USP24: variants seen among roughly 807,000 people sequenced by gnomAD.
The protein encoded by USP24 is ubiquitin specific peptidase 24.
In USP24, 97 loss-of-function variants were observed where a neutral mutation model predicts 361.6. The observed-to-expected ratio is 0.27, with a 90% CI of 0.23 to 0.32. The LOEUF is 0.32. Ranked by LOEUF, USP24 falls within the 10% of genes least tolerant of loss-of-function variation. The probability of loss-of-function intolerance (pLI) is 1.00; values close to 1 mark genes in which losing one functional copy is unlikely to be tolerated. For missense variants in USP24, 2,353 were observed against 3,165.6 expected (o/e 0.74, Z 6.16); for synonymous variants, 1,098 against 1,124.6 (o/e 0.98, Z 0.47).
intron 38 of USP24, among the ~76,000 whole-genome samples, chr1:55,114,311 C>T (rs1449290940): frequency 5.3e-5 from 8 of 152,134 alleles, no homozygotes; most frequent in Non-Finnish European, 7.4e-5. Context: ...AAAATGGCCA[C>T]GCTGCCCAAA....
rs745769657 is a variant in USP24 at position 55,106,216 on chromosome 1, A to C, written c.4810T>G (p.Ser1604Ala). 2 of 1,613,980 alleles carry C rather than the reference A, an allele frequency of 1.2e-6. No individual in the cohort carries two copies. The highest frequency in any genetic ancestry group is 8.5e-7 in the Non-Finnish European group (1 of 1,179,834). Residue 1604 changes from serine to alanine, a missense_variant, in exon 41 of 68, where the codon TCT (serine) becomes GCT (alanine). Ser to Ala is a moderately conservative substitution (Grantham distance 99). Around this residue, in one of 8 missense-constraint regions of USP24, gnomAD observed 949 missense variants for 1,280.5 expected, o/e 0.74. Coordinates refer to ENST00000294383, the MANE Select transcript of USP24 (RefSeq NM_015306.3). The stretch of plus-strand genomic sequence containing the variant: ...GAATGACTATTTAAAATAATTCTAG[A>C]AGCTCGGAAAAGGAAGTCATCTAAC... Reference protein sequence around the residue: ...PLLDDFLFRASRIILNSHSPA... With the variant: ...PLLDDFLFRAARIILNSHSPA...
Position 55,068,957 on chromosome 1 carries a change from T to A in USP24, c.*88A>T. The A allele has an allele frequency of 7.1e-7, 1 of 1,414,894 alleles. No homozygotes were observed. Among genetic ancestry groups the A allele is most frequent in the Non-Finnish European group, 9.9e-7 (1 of 1,005,740 alleles). The allele number at this position is 1,414,894 out of a possible 1,614,324, so 87.6% of individuals were successfully genotyped here. ...AGCTTTCCCAGTCCAATCTCCAGGC[T>A]CTTCCAAAGGGTTCGAGATTCTGAT... On this transcript the variant is annotated 3_prime_UTR_variant, in exon 68 of 68. Transcript: ENST00000294383.
chr1:55,079,500 G>T (rs1645098465), intron 60 of USP24, 38 bp downstream of exon 60: 2 of 1,553,950 alleles, frequency 1.3e-6, no homozygotes, highest in South Asian at 2.6e-5. Context: ...TCCTCAAACA[G>T]GAGGGAAAAA....
In USP24 at chr1:55,156,950, G is replaced by T; in HGVS notation, c.1444C>A (p.Gln482Lys). 6.2e-7 allele frequency: 1 copy of T among 1,609,736 alleles called. No homozygotes were observed. The highest frequency in any genetic ancestry group is 8.5e-7 in the Non-Finnish European group (1 of 1,176,540). ...LDELTKIWKIQSGQSSTVIEN... is the reference protein window; with the variant it reads ...LDELTKIWKIKSGQSSTVIEN... Reference sequence around the variant, plus strand: ...AAAAATAATTCTGATCAACCTACCTGTATCTTCCAAATTTTAGTGAGTTCA... The same window carrying T: ...AAAAATAATTCTGATCAACCTACCTTTATCTTCCAAATTTTAGTGAGTTCA... The change falls in exon 12 of 68, where the codon CAG (glutamine) becomes AAG (lysine). Residue 482 changes from glutamine (Q) to lysine (K), a missense_variant and splice_region_variant. By Grantham distance (53) the Gln-to-Lys change is moderately conservative. This residue lies in a region of USP24 where 386 missense variants were observed against 560.5 expected (regional missense o/e 0.69). Transcript: ENST00000294383.
At chr1:55,125,572 AT>A in intron 33 of USP24, 24 bp from the exon 34 acceptor site, 10 of 1,600,384 alleles carry the variant, frequency 6.2e-6, no homozygotes, top group Non-Finnish European at 7.7e-6. Flanking sequence ...AGCTAGACTT[AT>A]TCTGAGTCCA....
chr1:55,181,614 GT>G (rs1165610637), intron 1 of USP24, among the ~76,000 whole-genome samples: 1 of 152,208 alleles, frequency 6.6e-6, no homozygotes, highest in East Asian at 1.9e-4. Context: ...TGATTCCTAA[GT>G]GGGTATACGT....
Position 55,080,344 on chromosome 1 carries a change from T to C in USP24, c.7079-685A>G, listed in dbSNP as rs79581170. 4.4e-3 allele frequency among the ~76,000 whole-genome samples: 674 copies of C among 152,328 alleles called. 2 individuals carry two copies. Among genetic ancestry groups the C allele is most frequent in the African/African-American group, 0.016 (652 of 41,582 alleles). Reference sequence around the variant, plus strand: ...CTCCAATGTCCCTTTAGAGAGTCAATAAGCATTTCTCTATCAGAAGGATGC... The same window carrying C: ...CTCCAATGTCCCTTTAGAGAGTCAACAAGCATTTCTCTATCAGAAGGATGC... On this transcript the variant is annotated intron_variant, in intron 59 of 67. Transcript: ENST00000294383.
chr1:55,121,870 T>G (rs1309997473), intron 36 of USP24, among the ~76,000 whole-genome samples: 1 of 152,240 alleles, frequency 6.6e-6, no homozygotes, highest in Non-Finnish European at 1.5e-5. Context: ...TATCATTTTT[T>G]CATCTTGATT....
chr1:55,197,288 T>TC (rs1644445786), intron 1 of USP24, among the ~76,000 whole-genome samples: 1 of 152,250 alleles, frequency 6.6e-6, no homozygotes. Context: ...CTGCTTTTTT[T>TC]CCACAGTACT....
At chr1:55,200,063 T>C (rs536619307) in intron 1 of USP24, among the ~76,000 whole-genome samples, 1 of 152,234 alleles carries the variant, frequency 6.6e-6, no homozygotes, top group Admixed American at 6.5e-5. Context: ...ACTGCCCCCA[T>C]GATTCAATTA....
chr1:55,079,747 C>A, intron 59 of USP24, 88 bp from the exon 60 acceptor site: 3 of 1,468,712 alleles, frequency 2.0e-6, no homozygotes, highest in East Asian at 2.6e-5. Flanking sequence ...GTGCCTCCTT[C>A]AAGACTCGCA....
chr1:55,093,360 G>A (rs1363733172), intron 52 of USP24, among the ~76,000 whole-genome samples: 1 of 152,200 alleles, frequency 6.6e-6, no homozygotes, highest in Admixed American at 6.5e-5. Context: ...AGTGTATAAA[G>A]TCTGGACTGA....
Position 55,145,978 on chromosome 1 carries a change from G to A in USP24, c.2362+20C>T. 6.5e-7 allele frequency: 1 copy of A among 1,528,848 alleles called. No homozygotes were observed. The highest frequency in any genetic ancestry group is 9.0e-7 in the Non-Finnish European group (1 of 1,106,350). 94.7% of individuals were successfully genotyped at this position (1,528,848 alleles called of 1,614,324 possible). ...CTTACTTAAAAGTACTGAAAAAAAT[G>A]ATTTTAAGTTTTTTCCTACCATTCA... On this transcript the variant is annotated intron_variant, in intron 20 of 67. Coordinates refer to ENST00000294383, the MANE Select transcript of USP24 (RefSeq NM_015306.3).
intron 60 of USP24, 69 bp from the exon 61 acceptor site, chr1:55,078,720 C>A: frequency 7.9e-7 from 1 of 1,261,282 alleles, no homozygotes; most frequent in South Asian, 1.4e-5. Context: ...TTGTTGCTGC[C>A]TTTAACTGAA....
chr1:55,097,070 C>T lies in USP24; in HGVS notation c.5818G>A (p.Gly1940Ser), dbSNP rs2274540. 739 of 1,613,932 alleles carry T rather than the reference C, an allele frequency of 4.6e-4. 6 individuals carry two copies. The East Asian group carries it at 0.016, about 34-fold the overall frequency. Residue 1940 changes from glycine (G) to serine (S), a missense_variant, in exon 49 of 68, where the codon GGT becomes AGT. Physicochemically the swap from Gly to Ser is moderately conservative, Grantham distance 56. Around this residue, in one of 8 missense-constraint regions of USP24, gnomAD observed 598 missense variants for 761.9 expected, o/e 0.78. Coordinates refer to ENST00000294383, the MANE Select transcript of USP24 (RefSeq NM_015306.3). ...GENGRSVDQG[G>S]GGSPRKKVAL... ...ACCTTTTTTCGTGGGGATCCTCCAC[C>T]GCCCTGATCCACACTTCGCCCATTT...
Position 55,171,601 on chromosome 1 carries a change from T to C in USP24, c.780A>G (p.Gly260=). ...GTGAAACAGCAAACATATTTCCCTC[T>C]CCAAACACTTCTGCCCAATTCCTTT... ...VSQRNWAEVF[G]EGNMFAVSPV... The change falls in exon 5 of 68, where the codon GGA becomes GGG. Residue 260 remains glycine (G), a synonymous_variant. Coordinates refer to ENST00000294383, the MANE Select transcript of USP24 (RefSeq NM_015306.3). 1.9e-6 allele frequency: 3 copies of C among 1,611,294 alleles called. No individual in the cohort carries two copies. Among genetic ancestry groups the C allele is most frequent in the South Asian group, 1.1e-5 (1 of 90,550 alleles).
At chr1:55,111,048 A>G (rs1450587157) in intron 38 of USP24, among the ~76,000 whole-genome samples, 2 of 152,126 alleles carry the variant, frequency 1.3e-5, no homozygotes, top group African/African-American at 4.8e-5. Context: ...TGAGGATTAA[A>G]AGAAAAACAT....
chr1:55,159,942 G>C (rs1648099926), intron 8 of USP24, among the ~76,000 whole-genome samples: 1 of 152,168 alleles, frequency 6.6e-6, no homozygotes, highest in African/African-American at 2.4e-5. Context: ...TAATTTTGAA[G>C]AGTGACTCAA....
chr1:55,127,809 T>C (rs971762294), intron 32 of USP24, among the ~76,000 whole-genome samples: 1 of 152,214 alleles, frequency 6.6e-6, no homozygotes, highest in African/African-American at 2.4e-5. Context: ...TGCATTTCTC[T>C]GATGACCACC....
Sources: allele counts gnomAD v4.1 joint callset (sites outside exome capture counted in the v4.1 genomes callset), GRCh38; gene constraint gnomAD v4.1.1; regional missense constraint gnomAD v4.1.1; transcripts MANE v1.5; gene names NCBI Gene and HGNC (gene_info 2026-07-23, HGNC 2026-07-21).